Variants in ST3GAL3 observed in about 807,000 individuals in gnomAD.
ST3GAL3 encodes CMP-N-acetylneuraminate-beta-1,4-galactoside alpha-2,3-sialyltransferase.
ST3GAL3 carries 21 observed loss-of-function variants against 50.1 expected under a neutral mutation model. The ratio of observed to expected loss-of-function variants is 0.42; its 90% CI spans 0.30 to 0.60. The LOEUF is 0.60. Among genes scored for constraint, ST3GAL3 ranks in the 20% least tolerant of loss-of-function variants. ST3GAL3 has a pLI of 0.19. For missense variants in ST3GAL3, 353 were observed against 489.4 expected (o/e 0.72, Z 2.63); for synonymous variants, 183 against 190.0 (o/e 0.96, Z 0.30).
chr1:43,737,690 A>G lies in ST3GAL3; in HGVS notation c.118+1310A>G, dbSNP rs1265596097. 6.6e-6 allele frequency: 1 copy of G among 152,194 alleles called. No individual in the cohort carries two copies. The highest frequency in any genetic ancestry group is 6.5e-5 in the Admixed American group (1 of 15,280). The allele number at this position is 152,194 out of a possible 1,614,324, so 9.4% of individuals were successfully genotyped here. A position where few individuals can be genotyped will look rare whatever the true frequency, so the allele number is the denominator to read the frequency against. ...GTATTTAGAGGCATTCATTGTCTGT[A>G]TTGGTAGTGGTGGATCCATCTCTAT... On this transcript the variant is annotated intron_variant, in intron 2 of 11. Transcript: ENST00000347631. This position sits in a 1 kb window ranked among gnomAD's most constrained non-coding sequence, Gnocchi z 4.0.
chr1:43,769,208 T>C (rs1023446419), intron 2 of ST3GAL3, among the ~76,000 whole-genome samples: 7 of 152,202 alleles, frequency 4.6e-5, no homozygotes, highest in African/African-American at 1.7e-4. Flanking sequence ...AAATTCAGCA[T>C]GTGTTGATGC....
Position 43,757,443 on chromosome 1 carries a change from C to T in ST3GAL3, c.118+21063C>T, listed in dbSNP as rs12567510. ...CAGCAGCAATCAAGATAGAGTGGTACTGGTATAAAGATAGATATATAGATC... is the reference window on the plus strand; with the variant it reads ...CAGCAGCAATCAAGATAGAGTGGTATTGGTATAAAGATAGATATATAGATC... On this transcript the variant is annotated intron_variant, in intron 2 of 11. Coordinates refer to ENST00000347631, the MANE Select transcript of ST3GAL3 (RefSeq NM_006279.5). Among the ~76,000 whole-genome samples the T allele has an allele frequency of 7.3e-4, 111 of 152,206 alleles. No individual in the cohort carries two copies. The East Asian group carries it at 0.02, about 27-fold the overall frequency.
chr1:43,743,947 C>T (rs1682321707), intron 2 of ST3GAL3, among the ~76,000 whole-genome samples: 1 of 150,658 alleles, frequency 6.6e-6, no homozygotes, highest in Non-Finnish European at 1.5e-5. Flanking sequence ...GTTTTGATTA[C>T]CATCAAATGG....
chr1:43,868,844 C>T (rs1045432124), intron 5 of ST3GAL3, among the ~76,000 whole-genome samples: 4 of 152,050 alleles, frequency 2.6e-5, no homozygotes, highest in East Asian at 1.9e-4. Context: ...AAGAGACACC[C>T]GAGATGGAAA....
At chr1:43,721,295 CTT>C (rs35508020) in intron 1 of ST3GAL3, among the ~76,000 whole-genome samples, 1,245 of 99,830 alleles carry the variant, frequency 0.012, 39 homozygotes, top group African/African-American at 0.045. Flanking sequence ...ATAATTAAAC[CTT>C]TTTTTTTTTT....
At chr1:43,801,372 A>G in intron 3 of ST3GAL3, 1 of 456,298 alleles carries the variant, frequency 2.2e-6, no homozygotes, top group Non-Finnish European at 4.4e-6. Flanking sequence ...GTAGCATGTT[A>G]GGCTCATCAT....
chr1:43,888,283 T>G (rs2076246522), intron 5 of ST3GAL3, among the ~76,000 whole-genome samples: 2 of 152,098 alleles, frequency 1.3e-5, no homozygotes, highest in African/African-American at 4.8e-5. Flanking sequence ...GAGAAAAACT[T>G]TCCTATGACT....
chr1:43,824,859 C>A, intron 4 of ST3GAL3: 1 of 921,536 alleles, frequency 1.1e-6, no homozygotes. Flanking sequence ...AGCGAGGACA[C>A]AGCCTTTGCA....
chr1:43,767,487 A>G (rs942696464), intron 2 of ST3GAL3, among the ~76,000 whole-genome samples: 1 of 152,170 alleles, frequency 6.6e-6, no homozygotes, highest in African/African-American at 2.4e-5. Flanking sequence ...GCAAGTCTCA[A>G]CAAGTGTCAG....
At chr1:43,892,186 G>T (rs1412180361) in intron 5 of ST3GAL3, among the ~76,000 whole-genome samples, 1 of 152,084 alleles carries the variant, frequency 6.6e-6, no homozygotes, top group African/African-American at 2.4e-5. Flanking sequence ...CAGGTGATCC[G>T]CCTGCCTTGG....
chr1:43,899,132 C>T lies in ST3GAL3; in HGVS notation c.462-36C>T. 5.0e-6 allele frequency: 8 copies of T among 1,613,636 alleles called. No individual in the cohort carries two copies. Among genetic ancestry groups the T allele is most frequent in the Non-Finnish European group, 6.8e-6 (8 of 1,179,930 alleles). ...GCAGGGAAAGAGACCTGGTGGGCAG[C>T]TCTCTGTACAGAGGTCTCCGCCTCT... On this transcript the variant is annotated intron_variant, in intron 7 of 11. Coordinates refer to ENST00000347631, the MANE Select transcript of ST3GAL3 (RefSeq NM_006279.5). The surrounding 1 kb of genome is among the most constrained non-coding windows in gnomAD (Gnocchi z 5.4).
chr1:43,809,188 G>A (rs143831037), intron 3 of ST3GAL3, among the ~76,000 whole-genome samples: 2 of 152,154 alleles, frequency 1.3e-5, no homozygotes, highest in African/African-American at 4.8e-5. Flanking sequence ...ACACAAATGA[G>A]AGAACTGGGG....
intron 2 of ST3GAL3, among the ~76,000 whole-genome samples, chr1:43,786,279 G>T (rs1038331726): frequency 2.0e-5 from 3 of 152,184 alleles, no homozygotes; most frequent in African/African-American, 7.2e-5. Flanking sequence ...CATTGCTAAT[G>T]AAATAGAACA....
chr1:43,744,655 A>AAAATAAATAAAT (rs71036638), intron 2 of ST3GAL3, among the ~76,000 whole-genome samples: 15,933 of 140,728 alleles, frequency 0.11, 1,060 homozygotes, highest in East Asian at 0.18. Context: ...TCCCTCTCAA[A>AAAATAAATAAAT]AAATAAATAA....
chr1:43,899,419 G>A lies in ST3GAL3; in HGVS notation c.558-122G>A. On this transcript the variant is annotated intron_variant, in intron 8 of 11. Coordinates refer to ENST00000347631, the MANE Select transcript of ST3GAL3 (RefSeq NM_006279.5). This position sits in a 1 kb window ranked among gnomAD's most constrained non-coding sequence, Gnocchi z 5.4. The stretch of plus-strand genomic sequence containing the variant: ...GGCTTTGGAACAGACAACTAGCGGG[G>A]GCACCTGGGGAGAATAGGTCCAGGT... 3.2e-6 allele frequency: 5 copies of A among 1,573,514 alleles called. No homozygotes were observed. The highest frequency in any genetic ancestry group is 1.1e-5 in the South Asian group (1 of 88,240).
At chr1:43,761,724 G>A (rs1431241095) in intron 2 of ST3GAL3, among the ~76,000 whole-genome samples, 3 of 151,842 alleles carry the variant, frequency 2.0e-5, no homozygotes, top group East Asian at 1.9e-4. Flanking sequence ...GCCAAGGTGG[G>A]CGGATCACGA....
intron 1 of ST3GAL3, among the ~76,000 whole-genome samples, chr1:43,735,563 C>T (rs879556897): frequency 5.3e-5 from 8 of 152,134 alleles, no homozygotes; most frequent in African/African-American, 9.7e-5. Context: ...ATTCAGCCAA[C>T]GGCCTGAGTG....
chr1:43,737,047 A>C lies in ST3GAL3; in HGVS notation c.118+667A>C. On this transcript the variant is annotated intron_variant, in intron 2 of 11. Coordinates refer to ENST00000347631, the MANE Select transcript of ST3GAL3 (RefSeq NM_006279.5). This position sits in a 1 kb window ranked among gnomAD's most constrained non-coding sequence, Gnocchi z 4.0. ...GCCTGTGTTTTGGTTCTAGGCTTGC[A>C]GTTGAAGGGCTTACATTGATCAGCA... The C allele has an allele frequency of 6.0e-6, 1 of 166,310 alleles. No individual in the cohort carries two copies. Among genetic ancestry groups the C allele is most frequent in the South Asian group, 1.6e-4 (1 of 6,380 alleles). 10.3% of individuals were successfully genotyped at this position (166,310 alleles called of 1,614,324 possible).
intron 9 of ST3GAL3, chr1:43,912,408 A>G (rs930722962): frequency 2.6e-5 from 4 of 152,152 alleles, no homozygotes; most frequent in African/African-American, 7.2e-5. Flanking sequence ...AGGGTTCACA[A>G]TCAGACCTGC....
Sources: gnomAD v4.1 joint callset for allele counts (sites outside exome capture counted in the v4.1 genomes callset) on GRCh38, gnomAD v4.1.1 for gene constraint, Gnocchi (gnomAD v3.1) non-coding constraint, MANE v1.5 for transcripts, NCBI Gene and HGNC (gene_info 2026-07-23, HGNC 2026-07-21) for gene names.